IGFL2: variants seen among roughly 807,000 people sequenced by gnomAD.
IGFL2 encodes insulin growth factor-like family member 2.
IGFL2 carries 7 observed loss-of-function variants against 13.9 expected under a neutral mutation model. That is an observed-to-expected ratio of 0.51 (90% CI 0.29 to 0.95). The LOEUF is 0.95. Ranked by LOEUF, IGFL2 falls within the 40% of genes least tolerant of loss-of-function variation. The pLI, the probability that IGFL2 is intolerant of heterozygous loss-of-function variation, is 0.08. For synonymous variants in IGFL2, 55 were observed against 55.8 expected (o/e 0.99, Z 0.07); for missense variants, 138 against 147.8 (o/e 0.93, Z 0.34).
intron 1 of IGFL2, 139 bp downstream of exon 1, chr19:46,148,436 A>T: frequency 1.3e-6 from 1 of 774,842 alleles, no homozygotes. Flanking sequence ...CTCTGACTGC[A>T]TTGCAATCTC....
chr19:46,210,640 G>A, the IGFL2 span, among the ~76,000 whole-genome samples: 5 of 152,286 alleles, frequency 3.3e-5, no homozygotes, highest in East Asian at 7.7e-4. Context: ...TGGAAGCTAA[G>A]CCAGTCTAGC....
the IGFL2 span, among the ~76,000 whole-genome samples, chr19:46,093,575 CA>C: frequency 3.9e-5 from 6 of 152,238 alleles, no homozygotes; most frequent in South Asian, 1.2e-3. Context: ...AAAACGCATG[CA>C]GATTGGAAAA....
the IGFL2 span, among the ~76,000 whole-genome samples, chr19:46,080,370 G>A: frequency 3.3e-5 from 5 of 151,882 alleles, no homozygotes; most frequent in Admixed American, 6.6e-5. Context: ...AACTTAGGGA[G>A]ATCCCATCTC....
chr19:46,082,045 G>C, the IGFL2 span, among the ~76,000 whole-genome samples: 12 of 152,344 alleles, frequency 7.9e-5, no homozygotes, highest in Non-Finnish European at 1.3e-4. Context: ...TTTTAGCAGA[G>C]TATACACTTC....
upstream of IGFL2, among the ~76,000 whole-genome samples, chr19:46,145,475 C>T (rs1339562284): frequency 6.6e-6 from 1 of 151,894 alleles, no homozygotes; most frequent in Non-Finnish European, 1.5e-5. Context: ...AGTGAGTGAC[C>T]CACTCACCAG....
At chr19:46,081,557 TC>T in the IGFL2 span, among the ~76,000 whole-genome samples, 3 of 152,318 alleles carry the variant, frequency 2.0e-5, no homozygotes, top group Admixed American at 1.3e-4. Context: ...GGATAGTTCT[TC>T]CTTAAGCCTT....
At chr19:46,158,093 T>C (rs759629209) in intron 1 of IGFL2, among the ~76,000 whole-genome samples, 2 of 152,314 alleles carry the variant, frequency 1.3e-5, no homozygotes, top group Non-Finnish European at 2.9e-5. Flanking sequence ...ACAGGACTTA[T>C]ATGCTGAAAA....
At chr19:46,131,464 A>G in the IGFL2 span, among the ~76,000 whole-genome samples, 1 of 152,172 alleles carries the variant, frequency 6.6e-6, no homozygotes. Context: ...TTCAGATGAA[A>G]TTTTTTTGTA....
At chr19:46,162,777 T>C (rs1329426599), downstream of IGFL2, among the ~76,000 whole-genome samples, 1 of 152,250 alleles carries the variant, frequency 6.6e-6, no homozygotes, top group Non-Finnish European at 1.5e-5. Flanking sequence ...TCTATCTGTA[T>C]TCTGAATTCT....
the IGFL2 span, chr19:46,210,065 G>A: frequency 6.6e-6 from 1 of 152,186 alleles, no homozygotes; most frequent in Admixed American, 6.5e-5. Context: ...TAAAAATAAA[G>A]CCCTTTATCA....
downstream of IGFL2, among the ~76,000 whole-genome samples, chr19:46,165,494 A>T (rs1568437424): frequency 6.6e-6 from 1 of 152,226 alleles, no homozygotes; most frequent in Non-Finnish European, 1.5e-5. Flanking sequence ...AATAGCATGC[A>T]TGCTTGCACA....
chr19:46,124,677 A>T, the IGFL2 span: 1 of 1,603,680 alleles, frequency 6.2e-7, no homozygotes, highest in South Asian at 1.1e-5. Context: ...AGGAGAATTG[A>T]AGAAGAGTGG....
chr19:46,188,813 T>C, the IGFL2 span, among the ~76,000 whole-genome samples: 23 of 152,220 alleles, frequency 1.5e-4, no homozygotes, highest in South Asian at 4.1e-4. Flanking sequence ...TCCCAGCATA[T>C]GGCCAGAGGC....
the IGFL2 span, among the ~76,000 whole-genome samples, chr19:46,103,322 A>G: frequency 6.6e-6 from 1 of 152,210 alleles, no homozygotes; most frequent in Admixed American, 6.5e-5. Flanking sequence ...TGCAAAGCCA[A>G]CAATCGTTTG....
At position 46,148,945 on chromosome 19, in the gene IGFL2, A is replaced by G. The variant is rs757830851; in HGVS notation, c.19+648A>G. 18 of 1,567,946 alleles carry G rather than the reference A, an allele frequency of 1.1e-5. No homozygotes were observed. In the East Asian group the frequency reaches 4.3e-4, roughly 37 times the overall value. On this transcript the variant is annotated intron_variant, in intron 1 of 3. Coordinates refer to ENST00000377693, the MANE Select transcript of IGFL2 (RefSeq NM_001135113.2). The stretch of plus-strand genomic sequence containing the variant: ...CCAGACCCAGCCCTGTAGCCCAGGC[A>G]CTATTGCCTGGAGTTCCTGGGCTCT...
chr19:46,109,611 C>T, the IGFL2 span, among the ~76,000 whole-genome samples: 3 of 152,030 alleles, frequency 2.0e-5, no homozygotes, highest in African/African-American at 4.8e-5. Flanking sequence ...ACACCGCGCC[C>T]GGCCCAAAGT....
chr19:46,190,284 C>T, the IGFL2 span: 2 of 152,188 alleles, frequency 1.3e-5, no homozygotes, highest in African/African-American at 4.8e-5. Flanking sequence ...AACTCATTCA[C>T]CTGTCCTCAG....
chr19:46,099,668 C>G, the IGFL2 span, among the ~76,000 whole-genome samples: 1 of 151,956 alleles, frequency 6.6e-6, no homozygotes, highest in Admixed American at 6.6e-5. Context: ...GCTGGTATTA[C>G]AGGCGCCTGC....
chr19:46,083,955 G>C, the IGFL2 span, among the ~76,000 whole-genome samples: 2,020 of 152,258 alleles, frequency 0.013, 31 homozygotes, highest in Middle Eastern at 0.027. Flanking sequence ...TCTTAGACCT[G>C]CTTTTGCTTT....
Sources: allele counts gnomAD v4.1 joint callset (sites outside exome capture counted in the v4.1 genomes callset), GRCh38; gene constraint gnomAD v4.1.1; transcripts MANE v1.5; gene names NCBI Gene and HGNC (gene_info 2026-07-23, HGNC 2026-07-21).